FANCA: variants seen among roughly 807,000 people sequenced by gnomAD.
FANCA encodes the protein FA complementation group A.
A neutral mutation model predicts 194.3 loss-of-function variants in FANCA; 236 were observed. That is an observed-to-expected ratio of 1.21 (90% CI 1.09 to 1.35). The LOEUF is 1.35. FANCA is among the 40% of genes most tolerant of loss of function. FANCA has a pLI of 0.00. For missense variants in FANCA, 2,628 were observed against 1,813.9 expected (o/e 1.45, Z -8.15); for synonymous variants, 1,014 against 715.8 (o/e 1.42, Z -6.65).
At chr16:89,785,616 A>C (rs1228894579) in intron 14 of FANCA, among the ~76,000 whole-genome samples, 2 of 152,254 alleles carry the variant, frequency 1.3e-5, no homozygotes, top group African/African-American at 4.8e-5. Context: ...GGAAGGAAGG[A>C]GATTTTAAAT....
chr16:89,772,470 C>T (rs1430802240), intron 22 of FANCA, among the ~76,000 whole-genome samples: 1 of 152,178 alleles, frequency 6.6e-6, no homozygotes, highest in African/African-American at 2.4e-5. Context: ...CACGCCACTG[C>T]ACTCCAGCCT....
At chr16:89,812,660 A>AAAAAAAAAAAAAAAAAAC (rs2040938378) in intron 3 of FANCA, among the ~76,000 whole-genome samples, 1 of 149,538 alleles carries the variant, frequency 6.7e-6, no homozygotes, top group Admixed American at 6.7e-5. Context: ...AAAAAAAAAA[A>AAAAAAAAAAAAAAAAAAC]AAAAAAAAAA....
Position 89,771,701 on chromosome 16 carries a change from T to C in FANCA, c.2128A>G (p.Arg710Gly). 6.2e-7 allele frequency: 1 copy of C among 1,614,158 alleles called. No homozygotes were observed. The highest frequency in any genetic ancestry group is 1.3e-5 in the African/African-American group (1 of 75,044). Residue 710 changes from arginine to glycine, a missense_variant, in exon 23 of 43, where the codon AGA becomes GGA. Transcript: ENST00000389301. ...SKIQLSINTP[R>G]LEPREHMAVD... ...ACCATGTGTTCCCGTGGCTCCAGTC[T>C]CGGCGTGTTGATGCTGAGCTGAATC...
intron 9 of FANCA, 25 bp downstream of exon 9, chr16:89,799,580 C>G (rs1598165433): frequency 2.5e-6 from 4 of 1,608,686 alleles, no homozygotes; most frequent in Non-Finnish European, 3.4e-6. Context: ...CATTTACAGT[C>G]TGGGCTGCAG....
rs17226834 is a variant in FANCA at position 89,762,077 on chromosome 16, G to C, written c.2779-55C>G. The stretch of plus-strand genomic sequence containing the variant: ...ATGAGGACAGAACACACAATCCACC[G>C]ACAGGTTTATAAACCAGTTTGTCAT... On this transcript the variant is annotated intron_variant, in intron 28 of 42. Transcript: ENST00000389301. The C allele has an allele frequency of 0.02, 27,877 of 1,376,100 alleles. 611 individuals carry two copies. The highest frequency in any genetic ancestry group is 0.081 in the Admixed American group (4,841 of 59,714). The allele number at this position is 1,376,100 out of a possible 1,614,324, so 85.2% of individuals were successfully genotyped here. A position where few individuals can be genotyped will look rare whatever the true frequency, so the allele number is the denominator to read the frequency against.
At chr16:89,741,695 C>T (rs962062523) in intron 37 of FANCA, among the ~76,000 whole-genome samples, 3 of 152,154 alleles carry the variant, frequency 2.0e-5, no homozygotes, top group African/African-American at 7.2e-5. Context: ...CAGCCTCTCC[C>T]ACTCCTTTCC....
At chr16:89,751,423 G>C (rs187200753) in intron 31 of FANCA, among the ~76,000 whole-genome samples, 2 of 152,150 alleles carry the variant, frequency 1.3e-5, no homozygotes, top group African/African-American at 4.8e-5. Flanking sequence ...AGAGAGATAT[G>C]ATCGCACCAC....
chr16:89,796,744 C>T (rs903711920), intron 10 of FANCA, among the ~76,000 whole-genome samples: 2 of 152,198 alleles, frequency 1.3e-5, no homozygotes, highest in South Asian at 2.1e-4. Flanking sequence ...AGGGTCCAGC[C>T]GGGCACGGTG....
chr16:89,746,978 G>T, intron 33 of FANCA, 88 bp from the exon 34 acceptor site: 3 of 1,257,566 alleles, frequency 2.4e-6, no homozygotes, highest in South Asian at 1.3e-5. Context: ...ATTCAGTTTT[G>T]AGAAAAACAC....
chr16:89,760,641 A>G (rs561249870), intron 29 of FANCA, among the ~76,000 whole-genome samples: 2 of 152,212 alleles, frequency 1.3e-5, no homozygotes, highest in East Asian at 3.9e-4. Context: ...CCAGAACAGC[A>G]CATCTGGCCT....
intron 14 of FANCA, among the ~76,000 whole-genome samples, chr16:89,786,477 T>C (rs754144707): frequency 2.0e-5 from 3 of 152,032 alleles, no homozygotes; most frequent in Non-Finnish European, 2.9e-5. Flanking sequence ...ACGTCTGACC[T>C]AGCTAATTTT....
chr16:89,785,556 C>A (rs750223552), intron 14 of FANCA, among the ~76,000 whole-genome samples: 13 of 152,132 alleles, frequency 8.5e-5, no homozygotes, highest in Non-Finnish European at 1.6e-4. Context: ...GCAAACCCTC[C>A]CAGGAACGAA....
intron 14 of FANCA, among the ~76,000 whole-genome samples, chr16:89,787,722 C>A (rs1156614083): frequency 6.6e-6 from 1 of 151,930 alleles, no homozygotes; most frequent in Admixed American, 6.6e-5. Flanking sequence ...GGAGACAGAA[C>A]AGAGACCTTG....
At chr16:89,749,587 A>T in intron 32 of FANCA, 143 bp downstream of exon 32, 2 of 1,067,184 alleles carry the variant, frequency 1.9e-6, no homozygotes, top group Non-Finnish European at 2.8e-6. Flanking sequence ...GGCATGTGCC[A>T]CAGAAATGGA....
intron 33 of FANCA, among the ~76,000 whole-genome samples, chr16:89,747,707 T>C (rs974541178): frequency 2.0e-5 from 3 of 151,516 alleles, no homozygotes; most frequent in African/African-American, 4.8e-5. Context: ...TCTCAAAAAA[T>C]AAATAAATAA....
chr16:89,748,186 G>A (rs71396959), intron 33 of FANCA, among the ~76,000 whole-genome samples: 1,707 of 152,326 alleles, frequency 0.011, 31 homozygotes, highest in South Asian at 0.091. Flanking sequence ...GATTACGGGC[G>A]TGAGCCACCG....
At chr16:89,764,308 T>C (rs773627975) in intron 28 of FANCA, among the ~76,000 whole-genome samples, 10 of 152,166 alleles carry the variant, frequency 6.6e-5, no homozygotes, top group Admixed American at 3.3e-4. Context: ...TCTGTATTTA[T>C]TAATATATTT....
chr16:89,768,580 C>T (rs931809058), intron 26 of FANCA, among the ~76,000 whole-genome samples: 3 of 151,914 alleles, frequency 2.0e-5, no homozygotes, highest in Non-Finnish European at 4.4e-5. Context: ...TGCTTGAACC[C>T]GGGAGGCGGA....
In FANCA at chr16:89,769,838, T is replaced by C; in HGVS notation, c.2503A>G (p.Lys835Glu). Residue 835 changes from lysine (K) to glutamate (E), a missense_variant and splice_region_variant, in exon 26 of 43, where the codon AAA (lysine) becomes GAA (glutamate). By Grantham distance (56) the Lys-to-Glu change is moderately conservative. Transcript: ENST00000389301. ...CGCGACTGTGGAAGAAGAGCTCACT[T>C]CAGGCAGAAGAACAAGGAATCCCTC... The part of the protein sequence containing the change: ...RTRDSLFFCL[K>E]FCTAAISYSL... 6.2e-7 allele frequency: 1 copy of C among 1,614,016 alleles called. No homozygotes were observed. The highest frequency in any genetic ancestry group is 8.5e-7 in the Non-Finnish European group (1 of 1,179,986).
Sources: gnomAD v4.1 joint callset for allele counts (sites outside exome capture counted in the v4.1 genomes callset) on GRCh38, gnomAD v4.1.1 for gene constraint, MANE v1.5 for transcripts, NCBI Gene and HGNC (gene_info 2026-07-23, HGNC 2026-07-21) for gene names.